Variants in SESN2 observed in about 807,000 individuals in gnomAD.
The protein encoded by SESN2 is sestrin 2.
Under a neutral mutation model 56.0 loss-of-function variants are expected in SESN2, and 42 were observed. The ratio of observed to expected loss-of-function variants is 0.75; its 90% CI spans 0.59 to 0.97. The LOEUF (loss-of-function observed/expected upper bound fraction) is 0.97, where lower values mean the gene tolerates loss of function less well. SESN2 is among the 50% of genes least tolerant of loss of function. The probability of loss-of-function intolerance (pLI) is 0.00; values close to 1 mark genes in which losing one functional copy is unlikely to be tolerated. For missense variants in SESN2, 507 were observed against 649.4 expected (o/e 0.78, Z 2.38); for synonymous variants, 264 against 267.1 (o/e 0.99, Z 0.11).
intron 1 of SESN2, among the ~76,000 whole-genome samples, chr1:28,262,197 C>T (rs878908867): frequency 6.6e-6 from 1 of 152,046 alleles, no homozygotes; most frequent in Admixed American, 6.6e-5. Context: ...AGTCAGGTGC[C>T]CGAGGTCCAA....
intron 1 of SESN2, among the ~76,000 whole-genome samples, chr1:28,264,606 G>T (rs1647495929): frequency 6.6e-6 from 1 of 152,102 alleles, no homozygotes; most frequent in African/African-American, 2.4e-5. Flanking sequence ...GCCTTTATCA[G>T]GTCTACTGAA....
chr1:28,261,477 A>G (rs1007148120), intron 1 of SESN2, among the ~76,000 whole-genome samples: 3 of 152,122 alleles, frequency 2.0e-5, no homozygotes, highest in Admixed American at 1.3e-4. Context: ...CAGTATCTCT[A>G]AGGGATTGTT....
intron 1 of SESN2, among the ~76,000 whole-genome samples, chr1:28,263,208 G>A: frequency 6.6e-6 from 1 of 152,180 alleles, no homozygotes; most frequent in East Asian, 1.9e-4. Flanking sequence ...TCTGAATTGT[G>A]CCCATTTGGA....
At chr1:28,261,192 C>T (rs974070023) in intron 1 of SESN2, among the ~76,000 whole-genome samples, 2 of 152,152 alleles carry the variant, frequency 1.3e-5, no homozygotes, top group African/African-American at 4.8e-5. Context: ...GATCCTACCT[C>T]CGTCGGTGTA....
rs1557734229 is a variant in SESN2 at position 28,273,546 on chromosome 1, C to G, written c.901+38C>G. ...AGGCATCCAGGCTCCCGTGGCTGCTCCTTCTTAGGCTATCTCTGGTGAGGA... is the reference window on the plus strand; with the variant it reads ...AGGCATCCAGGCTCCCGTGGCTGCTGCTTCTTAGGCTATCTCTGGTGAGGA... On this transcript the variant is annotated intron_variant, in intron 6 of 9. Coordinates refer to ENST00000253063, the MANE Select transcript of SESN2 (RefSeq NM_031459.5). 4.0e-6 allele frequency: 6 copies of G among 1,502,176 alleles called. No individual in the cohort carries two copies. In the Admixed American group the frequency reaches 9.5e-5, roughly 24 times the overall value. 93.1% of individuals were successfully genotyped at this position (1,502,176 alleles called of 1,614,324 possible).
At position 28,274,948 on chromosome 1, in the gene SESN2, A is replaced by G. The variant is rs757888911; in HGVS notation, c.1144A>G (p.Ser382Gly). The G allele has an allele frequency of 6.2e-7, 1 of 1,614,084 alleles. No homozygotes were observed. The highest frequency in any genetic ancestry group is 1.1e-5 in the South Asian group (1 of 91,084). Residue 382 changes from serine (S) to glycine (G), a missense_variant, in exon 8 of 10, where the codon AGT (serine) becomes GGT (glycine). Physicochemically the swap from Ser to Gly is moderately conservative, Grantham distance 56. Coordinates refer to ENST00000253063, the MANE Select transcript of SESN2 (RefSeq NM_031459.5). Reference protein sequence around the residue: ...SLTYNTIAMHSGVDTSVLRRA... With the variant: ...SLTYNTIAMHGGVDTSVLRRA... ...CACCTACAATACCATCGCCATGCAC[A>G]GTGGTGTGGACACCTCCGTGCTCCG...
chr1:28,278,191 C>T (rs978504182), intron 8 of SESN2, among the ~76,000 whole-genome samples: 1 of 152,210 alleles, frequency 6.6e-6, no homozygotes, highest in African/African-American at 2.4e-5. Context: ...CTTCCTTCTC[C>T]TCCACTGACC....
At position 28,259,733 on chromosome 1, in the gene SESN2, G is replaced by A. The variant is rs1013044037; in HGVS notation, c.-115G>A. On this transcript the variant is annotated 5_prime_UTR_variant, in exon 1 of 10. Transcript: ENST00000253063. Reference sequence around the variant, plus strand: ...GTTCTGGAGCCCCGAGAGACGCCCCGGGGTTCTAGAAGCTCCCCGGCGGCG... The same window carrying A: ...GTTCTGGAGCCCCGAGAGACGCCCCAGGGTTCTAGAAGCTCCCCGGCGGCG... 59 of 709,406 alleles carry A rather than the reference G, an allele frequency of 8.3e-5. 1 individual carries two copies. Among genetic ancestry groups the A allele is most frequent in the Non-Finnish European group, 1.2e-4 (55 of 474,812 alleles). The allele number at this position is 709,406 out of a possible 1,614,324, so 43.9% of individuals were successfully genotyped here. A position where few individuals can be genotyped will look rare whatever the true frequency, so the allele number is the denominator to read the frequency against.
chr1:28,280,586 A>G (rs1648204795), intron 9 of SESN2, 130 bp from the exon 10 acceptor site: 1 of 725,228 alleles, frequency 1.4e-6, no homozygotes, highest in Non-Finnish European at 2.5e-6. Flanking sequence ...TCAGAGCCTT[A>G]GCAGATGCTG....
chr1:28,273,458 A>T lies in SESN2; in HGVS notation c.851A>T (p.Glu284Val). The change falls in exon 6 of 10, where the codon GAG (glutamate) becomes GTG (valine). Residue 284 changes from glutamate to valine, a missense_variant. By Grantham distance (121) the Glu-to-Val change is moderately radical. Coordinates refer to ENST00000253063, the MANE Select transcript of SESN2 (RefSeq NM_031459.5). ...RDEGTSQEEM[E>V]SRFELEKSES... ...GAGGGGACGTCCCAGGAGGAGATGGAGAGCCGCTTTGAGCTGGAGAAGTCA... is the reference window on the plus strand; with the variant it reads ...GAGGGGACGTCCCAGGAGGAGATGGTGAGCCGCTTTGAGCTGGAGAAGTCA... The T allele has an allele frequency of 2.5e-6, 4 of 1,611,436 alleles. No individual in the cohort carries two copies. The highest frequency in any genetic ancestry group is 3.4e-6 in the Non-Finnish European group (4 of 1,179,280).
chr1:28,268,735 A>G (rs887159497), intron 1 of SESN2, among the ~76,000 whole-genome samples: 1 of 151,654 alleles, frequency 6.6e-6, no homozygotes, highest in African/African-American at 2.4e-5. Flanking sequence ...GAGGAGGAAG[A>G]AAGGAAGGAA....
At chr1:28,276,570 CTTTTTTTTTTTTT>C (rs57474365) in intron 8 of SESN2, among the ~76,000 whole-genome samples, 3 of 94,734 alleles carry the variant, frequency 3.2e-5, no homozygotes, top group Admixed American at 1.1e-4. Flanking sequence ...TTTTTCTTTC[CTTTTTTTTTTTTT>C]TTTTTTTTTT....
At chr1:28,268,192 G>A (rs1039339845) in intron 1 of SESN2, among the ~76,000 whole-genome samples, 1 of 152,132 alleles carries the variant, frequency 6.6e-6, no homozygotes, top group South Asian at 2.1e-4. Flanking sequence ...GACAACTGGC[G>A]AGGTTGTGAG....
chr1:28,270,676 A>G (rs1254269007), intron 2 of SESN2, among the ~76,000 whole-genome samples: 3 of 151,992 alleles, frequency 2.0e-5, no homozygotes, highest in South Asian at 2.1e-4. Context: ...GGTTCAAGCA[A>G]TTCTCCTGCC....
rs71586835 is a variant in SESN2, at chr1:28,266,556, C to CTTTTT, written c.91-2610_91-2606dup. Among the ~76,000 whole-genome samples, 33 of 116,988 alleles carry CTTTTT rather than the reference C, an allele frequency of 2.8e-4. 1 individual carries two copies. Among genetic ancestry groups the CTTTTT allele is most frequent in the South Asian group, 5.6e-4 (2 of 3,580 alleles). The allele number at this position is 116,988 out of a possible 152,430, so 76.7% of individuals were successfully genotyped here. On this transcript the variant is annotated intron_variant, in intron 1 of 9. Coordinates refer to ENST00000253063, the MANE Select transcript of SESN2 (RefSeq NM_031459.5). ...ATGCAATTTGTGTCAAGAGCCCCAT[C>CTTTTT]TTTTTTTTTTTTTTTTTTTTTGAGA...
Position 28,281,312 on chromosome 1 carries a change from C to G in SESN2, c.*510C>G. On this transcript the variant is annotated 3_prime_UTR_variant, in exon 10 of 10. Transcript: ENST00000253063. ...CAGGGTCACAGCTGGTCTGTGTGTC[C>G]AGTTCCCTAAAAGCCTGTTCTGTTG... is the stretch of plus-strand genomic sequence containing the variant. 1 of 153,934 alleles carries G rather than the reference C, an allele frequency of 6.5e-6. No individual in the cohort carries two copies. The allele number at this position is 153,934 out of a possible 1,614,324, so 9.5% of individuals were successfully genotyped here. A position where few individuals can be genotyped will look rare whatever the true frequency, so the allele number is the denominator to read the frequency against.
intron 7 of SESN2, among the ~76,000 whole-genome samples, chr1:28,274,488 G>A (rs766224100): frequency 5.9e-5 from 9 of 151,964 alleles, no homozygotes; most frequent in East Asian, 1.9e-4. Flanking sequence ...CTGTGATCGC[G>A]CTACTGCGCT....
chr1:28,272,138 GTGGCAGAGCTGGGGTTACT>G, intron 3 of SESN2, 127 bp from the exon 4 acceptor site: 2 of 856,576 alleles, frequency 2.3e-6, no homozygotes, highest in Non-Finnish European at 1.8e-6. Flanking sequence ...CTGCAAGCTG[GTGGCAGAGCTGGGGTTACT>G]TAGAACTTAG....
At position 28,281,120 on chromosome 1, in the gene SESN2, T is replaced by C; in HGVS notation, c.*318T>C. The C allele has an allele frequency of 7.6e-6, 2 of 264,496 alleles. No individual in the cohort carries two copies. The highest frequency in any genetic ancestry group is 1.4e-5 in the Non-Finnish European group (2 of 138,994). The allele number at this position is 264,496 out of a possible 1,614,324, so 16.4% of individuals were successfully genotyped here. A position where few individuals can be genotyped will look rare whatever the true frequency, so the allele number is the denominator to read the frequency against. On this transcript the variant is annotated 3_prime_UTR_variant, in exon 10 of 10. Coordinates refer to ENST00000253063, the MANE Select transcript of SESN2 (RefSeq NM_031459.5). ...AGCCGGGCCAAGCTCGGAATTAATGTGCCACAAGTGTTGTGGCCTTCCTGA... is the reference window on the plus strand; with the variant it reads ...AGCCGGGCCAAGCTCGGAATTAATGCGCCACAAGTGTTGTGGCCTTCCTGA...
Sources: gnomAD v4.1 joint callset for allele counts (sites outside exome capture counted in the v4.1 genomes callset) on GRCh38, gnomAD v4.1.1 for gene constraint, MANE v1.5 for transcripts, NCBI Gene and HGNC (gene_info 2026-07-23, HGNC 2026-07-21) for gene names.